The following AK5 variants were observed in gnomAD, a reference collection of about 807,000 sequenced individuals.
AK5 encodes adenylate kinase 5.
AK5 carries 27 observed loss-of-function variants against 69.5 expected under a neutral mutation model. That is an observed-to-expected ratio of 0.39 (90% CI 0.29 to 0.54). AK5 has a LOEUF of 0.54. AK5 is among the 20% of genes least tolerant of loss of function. The probability of loss-of-function intolerance (pLI) is 0.71; values close to 1 mark genes in which losing one functional copy is unlikely to be tolerated. For missense variants in AK5, 531 were observed against 700.4 expected, an observed-to-expected ratio of 0.76 and a Z score of 2.73; for synonymous variants, 260 against 244.4, an observed-to-expected ratio of 1.06 and a Z score of -0.60.
chr1:77,557,035 T>G (rs1046133339), intron 13 of AK5, among the ~76,000 whole-genome samples: 2 of 151,854 alleles, frequency 1.3e-5, no homozygotes, highest in Admixed American at 1.3e-4. Context: ...CCTTGTGGCT[T>G]GAAGCCACCA....
At chr1:77,459,324 G>C (rs992270593) in intron 8 of AK5, among the ~76,000 whole-genome samples, 2 of 152,148 alleles carry the variant, frequency 1.3e-5, no homozygotes, top group African/African-American at 4.8e-5. Context: ...TCTCCAGCCT[G>C]TAACAGTTTT....
intron 8 of AK5, among the ~76,000 whole-genome samples, chr1:77,432,844 C>T (rs185602467): frequency 5.3e-5 from 8 of 152,276 alleles, no homozygotes; most frequent in Non-Finnish European, 7.4e-5. Flanking sequence ...ACATCATTAT[C>T]TTGCCAAAGA....
At chr1:77,371,510 T>G (rs1025635924) in intron 6 of AK5, 1 of 152,256 alleles carries the variant, frequency 6.6e-6, no homozygotes, top group Non-Finnish European at 1.5e-5. Context: ...TGGTTAATTT[T>G]TTTTTCTCAT....
chr1:77,481,332 T>C (rs1655240411), intron 8 of AK5, among the ~76,000 whole-genome samples: 1 of 152,204 alleles, frequency 6.6e-6, no homozygotes, highest in Admixed American at 6.5e-5. Flanking sequence ...AACTCCAAGC[T>C]CTGAATTGCG....
chr1:77,309,088 C>T (rs115407032), intron 5 of AK5, among the ~76,000 whole-genome samples: 19,853 of 136,454 alleles, frequency 0.15, 1,593 homozygotes, highest in East Asian at 0.38. Context: ...GTGGTGGGGT[C>T]GGGGGAGGGA....
intron 12 of AK5, among the ~76,000 whole-genome samples, chr1:77,530,474 G>C (rs1658517290): frequency 1.3e-5 from 2 of 152,196 alleles, no homozygotes; most frequent in Non-Finnish European, 1.5e-5. Flanking sequence ...GGAGACTCTG[G>C]TAAACATGCT....
At chr1:77,455,694 C>T (rs1653438583) in intron 8 of AK5, among the ~76,000 whole-genome samples, 1 of 152,144 alleles carries the variant, frequency 6.6e-6, no homozygotes, top group Non-Finnish European at 1.5e-5. Context: ...AAGGCAAAAA[C>T]TACTGCTCTG....
chr1:77,414,537 T>A (rs1650263865), intron 7 of AK5, among the ~76,000 whole-genome samples: 1 of 152,150 alleles, frequency 6.6e-6, no homozygotes, highest in Non-Finnish European at 1.5e-5. Context: ...TGTATCACCT[T>A]CCCCCTTAAA....
chr1:77,324,855 C>T (rs551092153), intron 5 of AK5, among the ~76,000 whole-genome samples: 1 of 152,266 alleles, frequency 6.6e-6, no homozygotes, highest in South Asian at 2.1e-4. Context: ...GGTAGTCTCT[C>T]GGCTTAGCTT....
intron 10 of AK5, among the ~76,000 whole-genome samples, chr1:77,502,893 C>G (rs1236558567): frequency 6.6e-6 from 1 of 152,226 alleles, no homozygotes; most frequent in Non-Finnish European, 1.5e-5. Flanking sequence ...GCCACCCCCT[C>G]TCACACCCTG....
At chr1:77,283,021 T>C (rs556516593) in intron 1 of AK5, 275 of 985,492 alleles carry the variant, frequency 2.8e-4, no homozygotes, top group Non-Finnish European at 3.3e-4. Flanking sequence ...TCGCCAGTGC[T>C]CGACAACCCA....
At chr1:77,451,940 G>A (rs939523303) in intron 8 of AK5, among the ~76,000 whole-genome samples, 5 of 152,088 alleles carry the variant, frequency 3.3e-5, no homozygotes, top group Middle Eastern at 3.2e-3. Flanking sequence ...ATGTCTGCCC[G>A]CCAGATTGTG....
intron 6 of AK5, among the ~76,000 whole-genome samples, chr1:77,385,852 G>GA (rs1297949980): frequency 1.3e-5 from 2 of 152,168 alleles, no homozygotes; most frequent in Admixed American, 6.5e-5. Context: ...CATAGGAGGT[G>GA]AAAAGTGGTA....
chr1:77,541,431 A>G (rs980571983), intron 13 of AK5, among the ~76,000 whole-genome samples: 1 of 152,198 alleles, frequency 6.6e-6, no homozygotes, highest in African/African-American at 2.4e-5. Flanking sequence ...GAAAAAAGAA[A>G]CAAAGAAAAT....
intron 3 of AK5, among the ~76,000 whole-genome samples, chr1:77,297,250 T>TA (rs1659062572): frequency 1.3e-5 from 2 of 152,202 alleles, no homozygotes; most frequent in Non-Finnish European, 2.9e-5. Context: ...TGTTAGATTT[T>TA]ACATAGAAAA....
chr1:77,374,450 AG>A (rs1647186921), intron 6 of AK5, among the ~76,000 whole-genome samples: 1 of 149,132 alleles, frequency 6.7e-6, no homozygotes, highest in African/African-American at 2.5e-5. Flanking sequence ...AACCAAGAGA[AG>A]GAAGCCCAAA....
intron 1 of AK5, among the ~76,000 whole-genome samples, chr1:77,286,377 C>A (rs1157724211): frequency 1.3e-5 from 2 of 148,508 alleles, no homozygotes; most frequent in East Asian, 1.9e-4. Context: ...TATCTAGTTG[C>A]CTGAATTGCT....
At chr1:77,403,530 C>T (rs1649392734) in intron 6 of AK5, among the ~76,000 whole-genome samples, 2 of 152,154 alleles carry the variant, frequency 1.3e-5, no homozygotes, top group Non-Finnish European at 2.9e-5. Flanking sequence ...GCCAGTCTTC[C>T]CAGCACCATT....
intron 13 of AK5, among the ~76,000 whole-genome samples, chr1:77,550,998 G>A (rs1659795947): frequency 6.6e-6 from 1 of 152,190 alleles, no homozygotes; most frequent in South Asian, 2.1e-4. Context: ...CCAACATGGT[G>A]AAACCCCGTC....
Sources: gnomAD v4.1 joint callset for allele counts (sites outside exome capture counted in the v4.1 genomes callset) on GRCh38, gnomAD v4.1.1 for gene constraint, MANE v1.5 for transcripts, NCBI Gene and HGNC (gene_info 2026-07-23, HGNC 2026-07-21) for gene names.